The following NR5A2 variants were observed in gnomAD, a reference collection of about 807,000 sequenced individuals.
NR5A2 encodes nuclear receptor subfamily 5 group A member 2, also known as CYP7A promoter-binding factor.
Under a neutral mutation model 62.7 loss-of-function variants are expected in NR5A2, and 26 were observed. The ratio of observed to expected loss-of-function variants is 0.41; its 90% CI spans 0.30 to 0.58. The LOEUF (loss-of-function observed/expected upper bound fraction) is 0.58, where lower values mean the gene tolerates loss of function less well. Among genes scored for constraint, NR5A2 ranks in the 20% least tolerant of loss-of-function variants. NR5A2 has a pLI of 0.22. For synonymous variants in NR5A2, 246 were observed against 241.7 expected, an observed-to-expected ratio of 1.02 and a Z score of -0.16; for missense variants, 541 against 669.1, an observed-to-expected ratio of 0.81 and a Z score of 2.11.
intron 7 of NR5A2, among the ~76,000 whole-genome samples, chr1:200,132,463 CTT>C (rs1475922819): frequency 6.6e-6 from 1 of 152,182 alleles, no homozygotes; most frequent in Non-Finnish European, 1.5e-5. Context: ...GCATGCATCT[CTT>C]GTCTTTCTTT....
At chr1:200,126,116 G>A (rs10800671) in intron 7 of NR5A2, among the ~76,000 whole-genome samples, 62,177 of 151,560 alleles carry the variant, frequency 0.41, 12,843 homozygotes, top group Admixed American at 0.44. Flanking sequence ...TCCAAGTGCT[G>A]GGATTGCAGC....
At chr1:200,036,287 C>T (rs1207902187) in intron 1 of NR5A2, among the ~76,000 whole-genome samples, 2 of 152,210 alleles carry the variant, frequency 1.3e-5, no homozygotes, top group Admixed American at 6.5e-5. Context: ...CGGGTTCCTC[C>T]TCCCACAGCT....
At chr1:200,031,770 G>A (rs1449077888) in intron 1 of NR5A2, among the ~76,000 whole-genome samples, 1 of 151,758 alleles carries the variant, frequency 6.6e-6, no homozygotes, top group Admixed American at 6.6e-5. Context: ...AGTAGAAATG[G>A]GGTTTCACCA....
intron 7 of NR5A2, among the ~76,000 whole-genome samples, chr1:200,155,422 AAGAC>A (rs1328316200): frequency 6.6e-6 from 1 of 152,224 alleles, no homozygotes; most frequent in African/African-American, 2.4e-5. Context: ...GACTTGGAGA[AAGAC>A]AGGCCTTTCA....
At chr1:200,161,282 G>A (rs1653629007) in intron 7 of NR5A2, among the ~76,000 whole-genome samples, 1 of 152,106 alleles carries the variant, frequency 6.6e-6, no homozygotes, top group African/African-American at 2.4e-5. Flanking sequence ...CTGTTTCCTG[G>A]CTCAGAATAT....
At chr1:200,092,785 G>A (rs1263130272) in intron 5 of NR5A2, among the ~76,000 whole-genome samples, 1 of 149,934 alleles carries the variant, frequency 6.7e-6, no homozygotes, top group African/African-American at 2.5e-5. Context: ...TATGAATCAT[G>A]TGTGCTCAAA....
At chr1:200,081,217 G>A (rs56392155) in intron 5 of NR5A2, among the ~76,000 whole-genome samples, 10,851 of 152,158 alleles carry the variant, frequency 0.071, 420 homozygotes, top group Middle Eastern at 0.11. Flanking sequence ...CCAACAGAAG[G>A]GCAGGTCCCA....
intron 5 of NR5A2, among the ~76,000 whole-genome samples, chr1:200,103,719 C>T (rs373608690): frequency 6.6e-4 from 100 of 152,304 alleles, no homozygotes; most frequent in African/African-American, 2.3e-3. Flanking sequence ...CTGCTGCAGG[C>T]CAACCTAGGC....
chr1:200,085,980 G>T (rs185094330), intron 5 of NR5A2, among the ~76,000 whole-genome samples: 1 of 152,236 alleles, frequency 6.6e-6, no homozygotes, highest in Admixed American at 6.5e-5. Context: ...CATTTTCTTT[G>T]CGCCTAATGT....
intron 2 of NR5A2, chr1:200,043,000 T>G (rs901380580): frequency 1.0e-6 from 1 of 985,456 alleles, no homozygotes; most frequent in African/African-American, 1.7e-5. Context: ...CGGAAACATG[T>G]GAGGTTCATT....
At chr1:200,121,523 A>G (rs1040067913) in intron 7 of NR5A2, among the ~76,000 whole-genome samples, 3 of 152,234 alleles carry the variant, frequency 2.0e-5, no homozygotes, top group African/African-American at 2.4e-5. Flanking sequence ...GAAAAGAAAG[A>G]TAACTAAGCA....
At chr1:200,145,355 T>C (rs1667645666) in intron 7 of NR5A2, among the ~76,000 whole-genome samples, 1 of 151,694 alleles carries the variant, frequency 6.6e-6, no homozygotes, top group Non-Finnish European at 1.5e-5. Context: ...TCCAGAGTAA[T>C]GGCAATTTTT....
At chr1:200,143,808 ATTTT>A (rs949000653) in intron 7 of NR5A2, among the ~76,000 whole-genome samples, 1 of 151,338 alleles carries the variant, frequency 6.6e-6, no homozygotes, top group African/African-American at 2.4e-5. Flanking sequence ...GGCCCAGCTA[ATTTT>A]TTTATTTTTA....
chr1:200,140,390 T>C (rs1023238306), intron 7 of NR5A2, among the ~76,000 whole-genome samples: 1 of 152,202 alleles, frequency 6.6e-6, no homozygotes, highest in Non-Finnish European at 1.5e-5. Flanking sequence ...TATTTTCTTT[T>C]AATGTTTTGA....
intron 5 of NR5A2, among the ~76,000 whole-genome samples, chr1:200,055,651 C>T (rs2102183068): frequency 6.6e-6 from 1 of 152,336 alleles, no homozygotes; most frequent in South Asian, 2.1e-4. Context: ...TGTGATGTCA[C>T]AGAGCAATAG....
At chr1:200,167,343 C>T (rs147712231) in intron 7 of NR5A2, among the ~76,000 whole-genome samples, 2 of 152,086 alleles carry the variant, frequency 1.3e-5, no homozygotes, top group Admixed American at 6.5e-5. Flanking sequence ...CATCCAGGAC[C>T]CTCACTCTTT....
chr1:200,030,737 T>C (rs560572363), intron 1 of NR5A2, among the ~76,000 whole-genome samples: 39 of 152,218 alleles, frequency 2.6e-4, no homozygotes, highest in Non-Finnish European at 4.8e-4. Context: ...ATTTCCATAA[T>C]TCTTCAAATT....
intron 1 of NR5A2, chr1:200,038,574 G>C: frequency 1.8e-6 from 1 of 546,910 alleles, no homozygotes; most frequent in Non-Finnish European, 3.2e-6. Context: ...ATGTAAGAAC[G>C]GTCAGCTAAA....
At chr1:200,140,590 A>G (rs1374729273) in intron 7 of NR5A2, among the ~76,000 whole-genome samples, 1 of 152,042 alleles carries the variant, frequency 6.6e-6, no homozygotes, top group East Asian at 1.9e-4. Flanking sequence ...CTTTTCTTTA[A>G]TCTAGCCTAC....
Sources: gnomAD v4.1 joint callset for allele counts (sites outside exome capture counted in the v4.1 genomes callset) on GRCh38, gnomAD v4.1.1 for gene constraint, MANE v1.5 for transcripts, NCBI Gene and HGNC (gene_info 2026-07-23, HGNC 2026-07-21) for gene names.